The following ESRRG variants were observed in gnomAD, a reference collection of about 807,000 sequenced individuals.
ESRRG encodes estrogen related receptor gamma.
A neutral mutation model predicts 44.0 loss-of-function variants in ESRRG; 13 were observed. That is an observed-to-expected ratio of 0.30 (90% confidence interval 0.19 to 0.47). The LOEUF (loss-of-function observed/expected upper bound fraction) is 0.47, where lower values mean the gene tolerates loss of function less well. ESRRG is among the 20% of genes least tolerant of loss of function. The pLI, the probability that ESRRG is intolerant of heterozygous loss-of-function variation, is 1.00. For missense variants in ESRRG, 395 were observed against 580.6 expected (o/e 0.68, Z 3.29); for synonymous variants, 215 against 214.6 (o/e 1.00, Z -0.02).
chr1:217,048,707 G>A (rs573866703), intron 1 of ESRRG, among the ~76,000 whole-genome samples: 3 of 152,292 alleles, frequency 2.0e-5, no homozygotes, highest in Admixed American at 6.5e-5. Flanking sequence ...AGGATATGAT[G>A]TATTTCCCTG....
At position 216,772,353 on chromosome 1, in the gene ESRRG, T is replaced by C. The variant is rs143283426; in HGVS notation, c.-13-94862A>G. 1.6e-3 allele frequency among the ~76,000 whole-genome samples: 241 copies of C among 152,216 alleles called. 2 individuals carry two copies. Among genetic ancestry groups the C allele is most frequent in the African/African-American group, 5.4e-3 (225 of 41,554 alleles). Reference sequence around the variant, plus strand: ...AGAACTCTGCTCTCTCTTTCTCTACTCTAACATCCCAGAATTCAGCAGCTC... The same window carrying C: ...AGAACTCTGCTCTCTCTTTCTCTACCCTAACATCCCAGAATTCAGCAGCTC... On this transcript the variant is annotated intron_variant, in intron 2 of 7. Transcript: ENST00000359162.
At chr1:216,981,892 T>C (rs1243337334) in intron 1 of ESRRG, among the ~76,000 whole-genome samples, 2 of 152,222 alleles carry the variant, frequency 1.3e-5, no homozygotes, top group Non-Finnish European at 2.9e-5. Flanking sequence ...TGTCATGGCC[T>C]GTGATGACTT....
At chr1:216,958,748 T>C (rs2068452569) in intron 1 of ESRRG, among the ~76,000 whole-genome samples, 1 of 152,158 alleles carries the variant, frequency 6.6e-6, no homozygotes, top group African/African-American at 2.4e-5. Flanking sequence ...TCGGGTAACA[T>C]TATGATCTCA....
rs1381782847 is a variant in ESRRG, at chr1:216,723,290, C to A, written c.10G>T (p.Val4Leu). MDS[V>L]ELCLPESFSL... ...AAAGATTCAGGAAGGCAAAGTTCTACCGAATCCATGTGCGACCGGCAACCA... is the reference window on the plus strand; with the variant it reads ...AAAGATTCAGGAAGGCAAAGTTCTAACGAATCCATGTGCGACCGGCAACCA... The change falls in exon 1 of 7, where the codon GTA (valine) becomes TTA (leucine). Residue 4 changes from valine to leucine, a missense_variant. Physicochemically the swap from Val to Leu is conservative, Grantham distance 32. Around this residue, in one of 5 missense-constraint regions of ESRRG, gnomAD observed 148 missense variants for 150.4 expected, o/e 0.98. Transcript: ENST00000408911. 6.2e-7 allele frequency: 1 copy of A among 1,608,824 alleles called. No individual in the cohort carries two copies. The highest frequency in any genetic ancestry group is 1.7e-4 in the Middle Eastern group (1 of 6,028).
At chr1:216,639,891 T>G (rs536841646) in intron 3 of ESRRG, among the ~76,000 whole-genome samples, 2 of 152,304 alleles carry the variant, frequency 1.3e-5, no homozygotes, top group South Asian at 4.1e-4. Flanking sequence ...CAGTTGGGGC[T>G]TTTAAAATAG....
chr1:216,909,358 T>G (rs189217381), intron 2 of ESRRG, among the ~76,000 whole-genome samples: 1 of 152,216 alleles, frequency 6.6e-6, no homozygotes, highest in Non-Finnish European at 1.5e-5. Flanking sequence ...GGCCTGGTGG[T>G]TATGAGTTAC....
At position 216,732,991 on chromosome 1, in the gene ESRRG, A is replaced by G. The variant is rs372537383; in HGVS notation, c.-13-55500T>C. ...CATACAACCACAGCAAAATTCTAGGATATCTGAGCTAAGGAACCAAGAGAC... is the reference window on the plus strand; with the variant it reads ...CATACAACCACAGCAAAATTCTAGGGTATCTGAGCTAAGGAACCAAGAGAC... On this transcript the variant is annotated intron_variant, in intron 2 of 7. Transcript: ENST00000359162. Among the ~76,000 whole-genome samples, 66 of 151,950 alleles carry G rather than the reference A, an allele frequency of 4.3e-4. 1 individual carries two copies. The highest frequency in any genetic ancestry group is 1.5e-3 in the African/African-American group (64 of 41,420).
intron 2 of ESRRG, among the ~76,000 whole-genome samples, chr1:216,662,199 C>T (rs1327114017): frequency 6.6e-6 from 1 of 152,034 alleles, no homozygotes; most frequent in East Asian, 1.9e-4. Context: ...TCAAGAAGTG[C>T]CCAGGTAATG....
chr1:216,666,707 GAGTC>G (rs1311160872), intron 2 of ESRRG, among the ~76,000 whole-genome samples: 1 of 152,186 alleles, frequency 6.6e-6, no homozygotes, highest in Non-Finnish European at 1.5e-5. Context: ...TGTAGGCAAA[GAGTC>G]AGCCACACCC....
At chr1:216,604,969 A>T (rs2059732064) in intron 3 of ESRRG, among the ~76,000 whole-genome samples, 1 of 152,138 alleles carries the variant, frequency 6.6e-6, no homozygotes, top group African/African-American at 2.4e-5. Context: ...TTGGCTCATT[A>T]CCAGATGGAC....
chr1:217,105,119 C>A (rs2092572412), intron 1 of ESRRG, among the ~76,000 whole-genome samples: 1 of 152,144 alleles, frequency 6.6e-6, no homozygotes, highest in Non-Finnish European at 1.5e-5. Flanking sequence ...CTATCTGGAC[C>A]CCTAGTCAGG....
chr1:217,091,663 T>C (rs2092347575), upstream of ESRRG, among the ~76,000 whole-genome samples: 1 of 152,170 alleles, frequency 6.6e-6, no homozygotes. Flanking sequence ...ACTTTGCTTA[T>C]CTGTCCCTTT....
At chr1:216,876,284 C>T (rs1446309605) in intron 2 of ESRRG, among the ~76,000 whole-genome samples, 1 of 152,028 alleles carries the variant, frequency 6.6e-6, no homozygotes, top group African/African-American at 2.4e-5. Flanking sequence ...GTACTACAAA[C>T]ATTTTTGAAA....
intron 1 of ESRRG, among the ~76,000 whole-genome samples, chr1:216,713,616 T>C (rs1024568754): frequency 1.3e-5 from 2 of 152,186 alleles, no homozygotes; most frequent in Non-Finnish European, 2.9e-5. Context: ...CTCCAGAGAA[T>C]GTACAGCAGA....
At chr1:216,725,381 G>T (rs1034127085), upstream of ESRRG, among the ~76,000 whole-genome samples, 6 of 152,010 alleles carry the variant, frequency 3.9e-5, no homozygotes, top group Non-Finnish European at 7.4e-5. Flanking sequence ...GTTGTGAGCA[G>T]TGAATTAAAA....
intron 1 of ESRRG, among the ~76,000 whole-genome samples, chr1:217,041,847 T>C (rs1333108450): frequency 2.0e-5 from 3 of 152,240 alleles, no homozygotes; most frequent in Non-Finnish European, 4.4e-5. Context: ...TTTTAAATCT[T>C]GCTTTGGCAT....
At chr1:216,976,214 A>C (rs972229142) in intron 1 of ESRRG, among the ~76,000 whole-genome samples, 4 of 152,134 alleles carry the variant, frequency 2.6e-5, no homozygotes, top group African/African-American at 9.7e-5. Context: ...TCACTCTAAT[A>C]ACTCTAAATG....
intron 1 of ESRRG, among the ~76,000 whole-genome samples, chr1:216,714,910 T>G (rs573999738): frequency 2.0e-5 from 3 of 152,302 alleles, no homozygotes; most frequent in Non-Finnish European, 4.4e-5. Context: ...TTCTAGAGCA[T>G]AAGAGAAATC....
At chr1:216,615,840 C>T (rs892571063) in intron 3 of ESRRG, among the ~76,000 whole-genome samples, 2 of 151,528 alleles carry the variant, frequency 1.3e-5, no homozygotes, top group African/African-American at 2.4e-5. Context: ...GGCACCCACA[C>T]CACACCCAGC....
Sources: allele counts gnomAD v4.1 joint callset (sites outside exome capture counted in the v4.1 genomes callset), GRCh38; gene constraint gnomAD v4.1.1; regional missense constraint gnomAD v4.1.1; transcripts MANE v1.5; gene names NCBI Gene and HGNC (gene_info 2026-07-23, HGNC 2026-07-21).